Variants in ZFAND6 observed in about 807,000 individuals in gnomAD.
ZFAND6 encodes the protein AN1-type zinc finger protein 6.
A neutral mutation model predicts 24.5 loss-of-function variants in ZFAND6; 12 were observed. That is an observed-to-expected ratio of 0.49 (90% CI 0.31 to 0.79). The LOEUF is 0.79. Ranked by LOEUF, ZFAND6 falls within the 30% of genes least tolerant of loss-of-function variation. The pLI, the probability that ZFAND6 is intolerant of heterozygous loss-of-function variation, is 0.04. For synonymous variants in ZFAND6, 92 were observed against 81.5 expected (o/e 1.13, Z -0.69); for missense variants, 207 against 245.9 (o/e 0.84, Z 1.06).
chr15:80,074,266 C>G (rs2461640), intron 1 of ZFAND6, among the ~76,000 whole-genome samples: 108,425 of 151,754 alleles, frequency 0.71, 39,065 homozygotes, highest in Admixed American at 0.81. Context: ...ACCCACTTAA[C>G]TGAGCAATTG....
chr15:80,067,829 G>C (rs2036735629), intron 1 of ZFAND6, among the ~76,000 whole-genome samples: 1 of 152,032 alleles, frequency 6.6e-6, no homozygotes, highest in Admixed American at 6.6e-5. Flanking sequence ...TATTAAGTTT[G>C]AAATAGGAAC....
At chr15:80,095,805 A>G (rs913689199) in intron 1 of ZFAND6, among the ~76,000 whole-genome samples, 1 of 152,120 alleles carries the variant, frequency 6.6e-6, no homozygotes, top group Non-Finnish European at 1.5e-5. Flanking sequence ...TGCCCTTCAA[A>G]ATGTGTTCTT....
At chr15:80,099,069 G>A (rs968942170) in intron 2 of ZFAND6, among the ~76,000 whole-genome samples, 2 of 151,996 alleles carry the variant, frequency 1.3e-5, no homozygotes, top group Non-Finnish European at 2.9e-5. Flanking sequence ...TTTAGTCAAA[G>A]AGTATATCAA....
At chr15:80,102,467 A>G (rs1240361399) in intron 2 of ZFAND6, among the ~76,000 whole-genome samples, 5 of 152,230 alleles carry the variant, frequency 3.3e-5, no homozygotes, top group African/African-American at 1.2e-4. Flanking sequence ...CAGTGTTGCA[A>G]GTATTGAAGT....
chr15:80,122,961 G>C (rs1453729856), intron 5 of ZFAND6, 161 bp downstream of exon 5: 3 of 496,096 alleles, frequency 6.0e-6, no homozygotes, highest in Non-Finnish European at 3.5e-6. Context: ...TAACATGTTG[G>C]GGAGCCATTT....
chr15:80,126,983 A>G (rs1002971220), intron 5 of ZFAND6, among the ~76,000 whole-genome samples: 1 of 152,010 alleles, frequency 6.6e-6, no homozygotes, highest in African/African-American at 2.4e-5. Flanking sequence ...GCACGCTTGT[A>G]GTCCCAGCTA....
intron 2 of ZFAND6, among the ~76,000 whole-genome samples, chr15:80,118,306 G>A (rs1037785218): frequency 6.7e-5 from 9 of 134,708 alleles, no homozygotes; most frequent in African/African-American, 2.5e-4. Flanking sequence ...TGTATTTTTA[G>A]TAGAGATGGG....
At chr15:80,105,378 A>G (rs1399232564) in intron 2 of ZFAND6, among the ~76,000 whole-genome samples, 1 of 152,186 alleles carries the variant, frequency 6.6e-6, no homozygotes, top group Non-Finnish European at 1.5e-5. Context: ...GAGAACTTTT[A>G]TGAACCTGCC....
intron 2 of ZFAND6, among the ~76,000 whole-genome samples, chr15:80,111,749 T>A (rs987099290): frequency 4.6e-5 from 7 of 152,226 alleles, no homozygotes; most frequent in Non-Finnish European, 1.0e-4. Context: ...ACTAAACGTG[T>A]ATTTTTTCTT....
At chr15:80,070,011 C>T (rs1001939457) in intron 1 of ZFAND6, among the ~76,000 whole-genome samples, 1 of 152,130 alleles carries the variant, frequency 6.6e-6, no homozygotes, top group Non-Finnish European at 1.5e-5. Flanking sequence ...TTATCAACTA[C>T]TACAATAAAC....
At chr15:80,117,528 C>T (rs1029739116) in intron 2 of ZFAND6, among the ~76,000 whole-genome samples, 2 of 152,130 alleles carry the variant, frequency 1.3e-5, no homozygotes, top group Admixed American at 6.5e-5. Flanking sequence ...AGCCTGAATA[C>T]TCAGGTCTTA....
chr15:80,097,117 A>T (rs1287465659), intron 1 of ZFAND6, among the ~76,000 whole-genome samples: 2 of 150,688 alleles, frequency 1.3e-5, no homozygotes, highest in African/African-American at 2.4e-5. Context: ...CTCCTGCCTC[A>T]GCCCCTCTAG....
intron 1 of ZFAND6, among the ~76,000 whole-genome samples, chr15:80,088,450 C>A (rs1187871429): frequency 2.0e-5 from 3 of 152,202 alleles, no homozygotes; most frequent in African/African-American, 7.2e-5. Flanking sequence ...CCTGTAATCC[C>A]AGCTACTCAG....
Position 80,128,058 on chromosome 15 carries a change from T to C in ZFAND6, c.365-3122T>C, listed in dbSNP as rs141574073. On this transcript the variant is annotated intron_variant, in intron 5 of 6. Transcript: ENST00000261749. ...ACAGTATGAGTGATCCTTGAAAATATGCTGAATAAAAGAAGTTAGGTACAA... is the reference window on the plus strand; with the variant it reads ...ACAGTATGAGTGATCCTTGAAAATACGCTGAATAAAAGAAGTTAGGTACAA... Among the ~76,000 whole-genome samples, 293 of 152,286 alleles carry C rather than the reference T, an allele frequency of 1.9e-3. 1 individual carries two copies. The highest frequency in any genetic ancestry group is 3.6e-3 in the Non-Finnish European group (246 of 68,026).
chr15:80,082,805 T>C (rs553449135), intron 1 of ZFAND6, among the ~76,000 whole-genome samples: 1 of 152,306 alleles, frequency 6.6e-6, no homozygotes, highest in African/African-American at 2.4e-5. Context: ...TTATATCTTC[T>C]GGTTCTTTGA....
chr15:80,100,361 C>CT (rs2141940203), intron 2 of ZFAND6, among the ~76,000 whole-genome samples: 1 of 152,136 alleles, frequency 6.6e-6, no homozygotes, highest in South Asian at 2.1e-4. Context: ...ACTAATGAAA[C>CT]TTTGATTTTT....
chr15:80,134,108 C>T (rs2040746477), intron 6 of ZFAND6, among the ~76,000 whole-genome samples: 1 of 152,052 alleles, frequency 6.6e-6, no homozygotes, highest in African/African-American at 2.4e-5. Flanking sequence ...CTGCCTCAGC[C>T]TCCCTAGTAG....
intron 1 of ZFAND6, among the ~76,000 whole-genome samples, chr15:80,081,095 CAGT>C (rs2037639180): frequency 6.6e-6 from 1 of 152,178 alleles, no homozygotes; most frequent in Non-Finnish European, 1.5e-5. Context: ...TACTAAGTCT[CAGT>C]AGCTGTAGGA....
intron 6 of ZFAND6, chr15:80,131,592 G>T: frequency 5.1e-6 from 2 of 390,890 alleles, no homozygotes; most frequent in Non-Finnish European, 9.1e-6. Flanking sequence ...TTTAAGGAGA[G>T]AATATTTTGA....
Sources: gnomAD v4.1 joint callset for allele counts (sites outside exome capture counted in the v4.1 genomes callset) on GRCh38, gnomAD v4.1.1 for gene constraint, MANE v1.5 for transcripts, NCBI Gene and HGNC (gene_info 2026-07-23, HGNC 2026-07-21) for gene names.